DTD1: variants seen among roughly 807,000 people sequenced by gnomAD.
DTD1 encodes D-tyrosyl-tRNA deacylase 1 homolog.
In DTD1, 13 loss-of-function variants were observed where a neutral mutation model predicts 25.6. The observed-to-expected ratio is 0.51, with a 90% CI of 0.33 to 0.81. DTD1 has a LOEUF of 0.81. Among genes scored for constraint, DTD1 ranks in the 30% least tolerant of loss-of-function variants. The pLI, the probability that DTD1 is intolerant of heterozygous loss-of-function variation, is 0.02. For synonymous variants in DTD1, 110 were observed against 103.6 expected, an observed-to-expected ratio of 1.06 and a Z score of -0.37; for missense variants, 193 against 266.4, an observed-to-expected ratio of 0.72 and a Z score of 1.92.
At chr20:18,685,884 C>T (rs1297022735) in intron 4 of DTD1, among the ~76,000 whole-genome samples, 1 of 152,212 alleles carries the variant, frequency 6.6e-6, no homozygotes, top group African/African-American at 2.4e-5. Context: ...CTGCAGTGTA[C>T]ACCAAGTCAT....
chr20:18,762,197 C>T lies in DTD1; in HGVS notation c.*20-1163C>T, dbSNP rs554313733. On this transcript the variant is annotated intron_variant, in intron 5 of 5. Transcript: ENST00000377452. ...CCTGCACTGAGTGTATCAGGAAGCA[C>T]ATCCATGGAGGTGGCACTGCCATGG... is the stretch of plus-strand genomic sequence containing the variant. 1.4e-4 allele frequency among the ~76,000 whole-genome samples: 22 copies of T among 152,336 alleles called. No homozygotes were observed. In the East Asian group the frequency reaches 4.2e-3, roughly 29 times the overall value.
At chr20:18,605,865 G>A (rs2060654897) in intron 3 of DTD1, among the ~76,000 whole-genome samples, 1 of 149,828 alleles carries the variant, frequency 6.7e-6, no homozygotes, top group Admixed American at 6.7e-5. Flanking sequence ...ACATAGGCAT[G>A]GACAAGGACT....
At chr20:18,690,238 G>A (rs1233797481) in intron 4 of DTD1, among the ~76,000 whole-genome samples, 1 of 151,680 alleles carries the variant, frequency 6.6e-6, no homozygotes, top group African/African-American at 2.4e-5. Context: ...GTAGATTTTG[G>A]ATTTTAGACC....
chr20:18,670,463 A>G (rs1239172386), intron 4 of DTD1, among the ~76,000 whole-genome samples: 1 of 152,190 alleles, frequency 6.6e-6, no homozygotes, highest in Non-Finnish European at 1.5e-5. Context: ...CTCAAAAACA[A>G]GCAAACAAAT....
At chr20:18,686,149 T>G (rs1033757188) in intron 4 of DTD1, among the ~76,000 whole-genome samples, 20 of 152,262 alleles carry the variant, frequency 1.3e-4, no homozygotes, top group Admixed American at 1.3e-3. Context: ...ATATGATGTA[T>G]TTCTCCTACG....
chr20:18,760,372 A>G (rs1484015048), intron 5 of DTD1, among the ~76,000 whole-genome samples: 6 of 151,964 alleles, frequency 3.9e-5, no homozygotes, highest in Non-Finnish European at 8.8e-5. Flanking sequence ...GGTTTTATCT[A>G]CCTTTGGTCT....
At chr20:18,704,856 G>A (rs550499307) in intron 4 of DTD1, among the ~76,000 whole-genome samples, 4 of 152,178 alleles carry the variant, frequency 2.6e-5, no homozygotes, top group Non-Finnish European at 4.4e-5. Context: ...AAGGAGATCA[G>A]GAAGCATGTC....
At chr20:18,705,136 G>A (rs1026067775) in intron 4 of DTD1, among the ~76,000 whole-genome samples, 1 of 152,088 alleles carries the variant, frequency 6.6e-6, no homozygotes. Flanking sequence ...CAGATAATTC[G>A]GCTAGACAGA....
At chr20:18,598,668 T>C (rs2060621518) in intron 3 of DTD1, among the ~76,000 whole-genome samples, 1 of 118,906 alleles carries the variant, frequency 8.4e-6, no homozygotes, top group Non-Finnish European at 1.9e-5. Flanking sequence ...CGGCTAATTT[T>C]TTTTTGTATT....
At chr20:18,611,260 G>A (rs2060685651) in intron 3 of DTD1, 1 of 152,084 alleles carries the variant, frequency 6.6e-6, no homozygotes, top group Non-Finnish European at 1.5e-5. Flanking sequence ...TTTTCTTTTG[G>A]CCTTGTCTCT....
intron 4 of DTD1, among the ~76,000 whole-genome samples, chr20:18,700,132 T>C (rs552974284): frequency 6.6e-6 from 1 of 152,304 alleles, no homozygotes; most frequent in East Asian, 1.9e-4. Flanking sequence ...GAATGTCCCT[T>C]AGTTTGGGAA....
chr20:18,593,875 G>A, intron 2 of DTD1, 54 bp downstream of exon 2: 1 of 1,433,236 alleles, frequency 7.0e-7, no homozygotes, highest in Non-Finnish European at 9.8e-7. Flanking sequence ...TGGTGGTCAT[G>A]CTGGGAACTT....
chr20:18,647,860 A>G (rs148752318), intron 4 of DTD1, among the ~76,000 whole-genome samples: 3 of 152,254 alleles, frequency 2.0e-5, no homozygotes, highest in African/African-American at 7.2e-5. Context: ...GAAAGACCTG[A>G]AAGGTGAGAA....
chr20:18,704,861 CA>C (rs1449365002), intron 4 of DTD1, among the ~76,000 whole-genome samples: 1 of 152,146 alleles, frequency 6.6e-6, no homozygotes, highest in Non-Finnish European at 1.5e-5. Context: ...GATCAGGAAG[CA>C]TGTCCGGAAG....
chr20:18,647,484 A>G (rs2060854661), intron 4 of DTD1, among the ~76,000 whole-genome samples: 1 of 152,098 alleles, frequency 6.6e-6, no homozygotes, highest in African/African-American at 2.4e-5. Context: ...CACAGAACAG[A>G]TGTCTTAGTT....
chr20:18,669,874 C>T (rs1179390609), intron 4 of DTD1, among the ~76,000 whole-genome samples: 2 of 152,172 alleles, frequency 1.3e-5, no homozygotes, highest in Admixed American at 6.5e-5. Flanking sequence ...TTTGCTGGCT[C>T]CAGTTCCATT....
intron 5 of DTD1, among the ~76,000 whole-genome samples, chr20:18,748,689 C>T (rs2061310035): frequency 6.6e-6 from 1 of 152,224 alleles, no homozygotes; most frequent in South Asian, 2.1e-4. Flanking sequence ...GAACATTTCA[C>T]ATTTTTCCCC....
intron 4 of DTD1, among the ~76,000 whole-genome samples, chr20:18,686,661 T>C (rs2061017940): frequency 6.6e-6 from 1 of 151,830 alleles, no homozygotes; most frequent in African/African-American, 2.4e-5. Context: ...TGTGTGTGTG[T>C]GTGTGTGTGT....
rs181945071 is a variant in DTD1 at position 18,601,562 on chromosome 20, C to T, written c.370+5321C>T. ...GAAGAGAGCAGTGGGTCTCCCAGCA[C>T]GCAGCTGGAGATCTGAGAACCGGCA... is the stretch of plus-strand genomic sequence containing the variant. On this transcript the variant is annotated intron_variant, in intron 3 of 5. Coordinates refer to ENST00000377452, the MANE Select transcript of DTD1 (RefSeq NM_080820.6). Among the ~76,000 whole-genome samples the T allele has an allele frequency of 3.2e-3, 482 of 150,986 alleles. 1 individual carries two copies. Among genetic ancestry groups the T allele is most frequent in the Non-Finnish European group, 4.4e-3 (299 of 67,856 alleles).
Sources: allele counts gnomAD v4.1 joint callset (sites outside exome capture counted in the v4.1 genomes callset), GRCh38; gene constraint gnomAD v4.1.1; transcripts MANE v1.5; gene names NCBI Gene and HGNC (gene_info 2026-07-23, HGNC 2026-07-21).